The following DOCK6 variants were observed in gnomAD, a reference collection of about 807,000 sequenced individuals.
The protein encoded by DOCK6 is dedicator of cytokinesis 6, also known as dedicator of cytokinesis protein 6.
In DOCK6, 167 loss-of-function variants were observed where a neutral mutation model predicts 230.3. The ratio of observed to expected loss-of-function variants is 0.73; its 90% confidence interval spans 0.64 to 0.82. The LOEUF is 0.82. DOCK6 is among the 40% of genes least tolerant of loss of function. The probability of loss-of-function intolerance (pLI) is 0.00; values close to 1 mark genes in which losing one functional copy is unlikely to be tolerated. For missense variants in DOCK6, 2,598 were observed against 2,825.8 expected (o/e 0.92, Z 1.83); for synonymous variants, 1,148 against 1,185.0 (o/e 0.97, Z 0.64).
chr19:11,226,959 G>T (rs561241965), intron 24 of DOCK6, among the ~76,000 whole-genome samples: 1 of 152,124 alleles, frequency 6.6e-6, no homozygotes, highest in Admixed American at 6.6e-5. Context: ...CTACAATCTA[G>T]CCATCCTTAC....
chr19:11,210,715 A>G (rs2079368556), intron 37 of DOCK6, among the ~76,000 whole-genome samples: 1 of 117,256 alleles, frequency 8.5e-6, no homozygotes, highest in African/African-American at 3.4e-5. Flanking sequence ...TCACCTGTCC[A>G]TCCTTTCACT....
intron 24 of DOCK6, among the ~76,000 whole-genome samples, chr19:11,225,712 A>G (rs984384412): frequency 6.6e-6 from 1 of 151,270 alleles, no homozygotes; most frequent in Non-Finnish European, 1.5e-5. Flanking sequence ...AAATAAAAAA[A>G]CAAAAACAAA....
chr19:11,251,248 T>G (rs913379415), intron 5 of DOCK6, 162 bp from the exon 6 acceptor site: 184 of 674,094 alleles, frequency 2.7e-4, no homozygotes, highest in Non-Finnish European at 3.3e-4. Flanking sequence ...CTACCCTCTT[T>G]CCAGAAACTT....
Position 11,243,394 on chromosome 19 carries a change from G to T in DOCK6, c.1259-9C>A. Reference sequence around the variant, plus strand: ...CCAGGCTGGCCGGCGCTCTAGGGGAGGGAATGACAATGACAAAAGGGGGAC... The same window carrying T: ...CCAGGCTGGCCGGCGCTCTAGGGGATGGAATGACAATGACAAAAGGGGGAC... On this transcript the variant is annotated splice_polypyrimidine_tract_variant and intron_variant, in intron 11 of 47. Coordinates refer to ENST00000294618, the MANE Select transcript of DOCK6 (RefSeq NM_020812.4). This position sits in a 1 kb window ranked among gnomAD's most constrained non-coding sequence, Gnocchi z 6.3. The T allele has an allele frequency of 6.2e-7, 1 of 1,600,596 alleles. No individual in the cohort carries two copies. Among genetic ancestry groups the T allele is most frequent in the South Asian group, 1.1e-5 (1 of 89,008 alleles).
At position 11,227,551 on chromosome 19, in the gene DOCK6, G is replaced by C. The variant is rs556042333; in HGVS notation, c.2815-74C>G. On this transcript the variant is annotated intron_variant, in intron 23 of 47. Coordinates refer to ENST00000294618, the MANE Select transcript of DOCK6 (RefSeq NM_020812.4). ...TAGGACTTGAAGGGCTGTGGGTGGG[G>C]CTTGAAGGGCTGTGGGTGGGGCTTG... 3.3e-6 allele frequency: 5 copies of C among 1,500,116 alleles called. No individual in the cohort carries two copies. The African/African-American group carries it at 7.0e-5, about 21-fold the overall frequency. 92.9% of individuals were successfully genotyped at this position (1,500,116 alleles called of 1,614,324 possible). A position where few individuals can be genotyped will look rare whatever the true frequency, so the allele number is the denominator to read the frequency against.
At chr19:11,245,761 C>A (rs780500890) in intron 8 of DOCK6, 49 bp from the exon 9 acceptor site, 24 of 1,603,674 alleles carry the variant, frequency 1.5e-5, no homozygotes, top group Admixed American at 3.4e-5. Flanking sequence ...AAGCCCACAG[C>A]CCCCCAACAA....
chr19:11,240,466 T>C (rs780895797), intron 14 of DOCK6, among the ~76,000 whole-genome samples: 13 of 152,158 alleles, frequency 8.5e-5, no homozygotes, highest in Non-Finnish European at 1.6e-4. Flanking sequence ...AGTTTCCCTT[T>C]TGTGTGCCTC....
Position 11,253,629 on chromosome 19 carries a change from A to C in DOCK6, c.132+10T>G. 1 of 1,415,966 alleles carries C rather than the reference A, an allele frequency of 7.1e-7. No homozygotes were observed. The highest frequency in any genetic ancestry group is 9.2e-7 in the Non-Finnish European group (1 of 1,088,334). The allele number at this position is 1,415,966 out of a possible 1,614,324, so 87.7% of individuals were successfully genotyped here. On this transcript the variant is annotated intron_variant, in intron 2 of 47. Transcript: ENST00000294618. The stretch of plus-strand genomic sequence containing the variant: ...GCAGAGGGCTGGGGGCGGACCCCCC[A>C]AATACTTACCCCCAGGGAGCTGCTG...
intron 1 of DOCK6, 88 bp downstream of exon 1, chr19:11,262,309 G>T: frequency 1.1e-6 from 1 of 918,180 alleles, no homozygotes; most frequent in East Asian, 3.9e-5. Context: ...GGTTGAATTG[G>T]GGGCGCCCGG....
rs2079979537 is a variant in DOCK6 at position 11,243,391 on chromosome 19, G to T, written c.1259-6C>A. The T allele has an allele frequency of 6.2e-7, 1 of 1,601,082 alleles. No homozygotes were observed. The highest frequency in any genetic ancestry group is 8.5e-7 in the Non-Finnish European group (1 of 1,174,444). ...TGTCCAGGCTGGCCGGCGCTCTAGGGGAGGGAATGACAATGACAAAAGGGG... is the reference window on the plus strand; with the variant it reads ...TGTCCAGGCTGGCCGGCGCTCTAGGTGAGGGAATGACAATGACAAAAGGGG... On this transcript the variant is annotated splice_polypyrimidine_tract_variant and splice_region_variant and intron_variant, in intron 11 of 47. Transcript: ENST00000294618. The surrounding 1 kb of genome is among the most constrained non-coding windows in gnomAD (Gnocchi z 6.3).
rs2079468908 is a variant in DOCK6 at position 11,215,467 on chromosome 19, CCTCT to C, written c.4022_4025del (p.Glu1341GlyfsTer49). ...CATTCTCCGGATTCCCAAACGGGCT[CCTCT>C]CTGAGACGCGTGGGTGCACGATCAC... On this transcript the variant is annotated frameshift_variant and splice_region_variant, in exon 32 of 48. Coordinates refer to ENST00000294618, the MANE Select transcript of DOCK6 (RefSeq NM_020812.4). LOFTEE classifies it high-confidence loss of function. 1 of 1,612,022 alleles carries C rather than the reference CCTCT, an allele frequency of 6.2e-7. No individual in the cohort carries two copies. Among genetic ancestry groups the C allele is most frequent in the African/African-American group, 1.4e-5 (1 of 73,748 alleles).
At chr19:11,212,565 CT>C (rs111849239) in intron 35 of DOCK6, among the ~76,000 whole-genome samples, 1,344 of 31,478 alleles carry the variant, frequency 0.043, 62 homozygotes, top group East Asian at 0.41. Context: ...TTCTTTCTTT[CT>C]TTTTTTTTTT....
rs936576282 is a variant in DOCK6 at position 11,236,647 on chromosome 19, G to A, written c.2161-70C>T. On this transcript the variant is annotated intron_variant, in intron 19 of 47. Coordinates refer to ENST00000294618, the MANE Select transcript of DOCK6 (RefSeq NM_020812.4). The surrounding 1 kb of genome is among the most constrained non-coding windows in gnomAD (Gnocchi z 5.2). ...AAGACCACCCCTGCCTGAATCAGCAGCTTCCCTTAAAGCTGGGTCCAGCTG... is the reference window on the plus strand; with the variant it reads ...AAGACCACCCCTGCCTGAATCAGCAACTTCCCTTAAAGCTGGGTCCAGCTG... 5.9e-5 allele frequency: 89 copies of A among 1,512,218 alleles called. No individual in the cohort carries two copies. Among genetic ancestry groups the A allele is most frequent in the Non-Finnish European group, 7.8e-5 (87 of 1,114,432 alleles). The allele number at this position is 1,512,218 out of a possible 1,614,324, so 93.7% of individuals were successfully genotyped here. A position where few individuals can be genotyped will look rare whatever the true frequency, so the allele number is the denominator to read the frequency against.
chr19:11,229,473 C>T (rs1398015267), intron 22 of DOCK6: 2 of 646,258 alleles, frequency 3.1e-6, no homozygotes, highest in African/African-American at 4.0e-5. Flanking sequence ...CGTGTTCACA[C>T]AGACAGGGAT....
Position 11,220,822 on chromosome 19 carries a change from AT to A in DOCK6, c.3550+1028del, listed in dbSNP as rs372764985. On this transcript the variant is annotated intron_variant, in intron 28 of 47. Coordinates refer to ENST00000294618, the MANE Select transcript of DOCK6 (RefSeq NM_020812.4). ...CTGGAAAAAAATATATAATATCTGA[AT>A]TTTTTTTTTTTTTTTTTTTGAGACG... Among the ~76,000 whole-genome samples the A allele has an allele frequency of 7.3e-3, 1,018 of 139,786 alleles. 4 individuals carry two copies. Among genetic ancestry groups the A allele is most frequent in the African/African-American group, 0.02 (758 of 37,556 alleles). 91.7% of individuals were successfully genotyped at this position (139,786 alleles called of 152,430 possible). A position where few individuals can be genotyped will look rare whatever the true frequency, so the allele number is the denominator to read the frequency against.
chr19:11,227,099 A>C (rs2079677547), intron 24 of DOCK6, among the ~76,000 whole-genome samples: 1 of 152,232 alleles, frequency 6.6e-6, no homozygotes, highest in Non-Finnish European at 1.5e-5. Flanking sequence ...TCCCCTTAAA[A>C]GCTACACAAG....
In DOCK6 at chr19:11,204,315, G is replaced by A. The variant is rs775176428; in HGVS notation, c.5105C>T (p.Ala1702Val). Residue 1702 changes from alanine to valine, a missense_variant, in exon 40 of 48, where the codon GCG becomes GTG. Transcript: ENST00000294618. Reference protein sequence around the residue: ...GYFTMGGLYEAVNEVYKNLIP... With the variant: ...GYFTMGGLYEVVNEVYKNLIP... ...GAGGTTCTTGTAGACCTCATTCACC[G>A]CCTCGTAGAGCCCGCCCTGAGGGTG... 14 of 1,611,456 alleles carry A rather than the reference G, an allele frequency of 8.7e-6. No individual in the cohort carries two copies. The highest frequency in any genetic ancestry group is 3.3e-5 in the Admixed American group (2 of 59,752).
At chr19:11,209,544 C>T (rs867110574) in intron 37 of DOCK6, among the ~76,000 whole-genome samples, 360 of 88,042 alleles carry the variant, frequency 4.1e-3, no homozygotes, top group Admixed American at 5.5e-3. Flanking sequence ...ATCCCTTCAC[C>T]TGTCTATCCC....
intron 18 of DOCK6, 167 bp downstream of exon 18, chr19:11,237,289 T>G (rs1330446162): frequency 1.4e-6 from 1 of 697,416 alleles, no homozygotes; most frequent in African/African-American, 1.8e-5. Context: ...GGGGAGGACA[T>G]GTAGGACACA....
Sources: gnomAD v4.1 joint callset for allele counts (sites outside exome capture counted in the v4.1 genomes callset) on GRCh38, gnomAD v4.1.1 for gene constraint, Gnocchi (gnomAD v3.1) non-coding constraint, MANE v1.5 for transcripts, NCBI Gene and HGNC (gene_info 2026-07-23, HGNC 2026-07-21) for gene names.